RASGRP1: variants seen among roughly 807,000 people sequenced by gnomAD.
RASGRP1 encodes RAS guanyl-releasing protein 1.
A neutral mutation model predicts 95.1 loss-of-function variants in RASGRP1; 37 were observed. The observed-to-expected ratio is 0.39, with a 90% CI of 0.30 to 0.51. RASGRP1 has a LOEUF of 0.51. RASGRP1 is among the 20% of genes least tolerant of loss of function. RASGRP1 has a pLI of 0.80. For missense variants in RASGRP1, 711 were observed against 965.4 expected (o/e 0.74, Z 3.49); for synonymous variants, 325 against 353.4 (o/e 0.92, Z 0.90).
Position 38,501,144 on chromosome 15 carries a change from A to T in RASGRP1, c.1682T>A (p.Phe561Tyr). ...KPTFCDNCAG[F>Y]LWGVIKQGYR... ...TGGAGCACCCTAAGAACAACTTACA[A>T]ATCCAGCACAGTTGTCACAAAAAGT... Residue 561 changes from phenylalanine to tyrosine, a missense_variant and splice_region_variant, in exon 13 of 17, where the codon TTT becomes TAT. Around this residue, in one of 3 missense-constraint regions of RASGRP1, gnomAD observed 8 missense variants for 40.9 expected, o/e 0.20. Coordinates refer to ENST00000310803, the MANE Select transcript of RASGRP1 (RefSeq NM_005739.4). 1 of 1,596,636 alleles carries T rather than the reference A, an allele frequency of 6.3e-7. No homozygotes were observed. The highest frequency in any genetic ancestry group is 8.5e-7 in the Non-Finnish European group (1 of 1,172,560).
At chr15:38,509,458 G>T (rs542609412) in intron 8 of RASGRP1, among the ~76,000 whole-genome samples, 1 of 152,320 alleles carries the variant, frequency 6.6e-6, no homozygotes, top group East Asian at 1.9e-4. Flanking sequence ...CAGGCGTGGT[G>T]GTTCATGCCT....
intron 2 of RASGRP1, among the ~76,000 whole-genome samples, chr15:38,534,842 T>C (rs1357355001): frequency 1.3e-5 from 2 of 152,170 alleles, no homozygotes; most frequent in Non-Finnish European, 2.9e-5. Flanking sequence ...TCTGTTCTAT[T>C]GATATTCACT....
At chr15:38,507,617 G>T in intron 9 of RASGRP1, 109 bp downstream of exon 9, 3 of 1,245,156 alleles carry the variant, frequency 2.4e-6, no homozygotes, top group Non-Finnish European at 3.3e-6. Context: ...AATAGGATCT[G>T]CTTCATAGAG....
intron 2 of RASGRP1, among the ~76,000 whole-genome samples, chr15:38,531,520 T>C (rs536349488): frequency 1.3e-5 from 2 of 152,330 alleles, no homozygotes; most frequent in African/African-American, 4.8e-5. Context: ...ATCTTAAAAA[T>C]TGCCTTTAAG....
chr15:38,549,808 T>C (rs1893255832), intron 2 of RASGRP1, among the ~76,000 whole-genome samples: 1 of 151,992 alleles, frequency 6.6e-6, no homozygotes, highest in African/African-American at 2.4e-5. Flanking sequence ...TCCAGGGCCC[T>C]TGACTACTCT....
chr15:38,499,538 G>A (rs1463085850), intron 14 of RASGRP1, among the ~76,000 whole-genome samples: 2 of 152,200 alleles, frequency 1.3e-5, no homozygotes. Flanking sequence ...ATGCCTATCT[G>A]TGCAACCAGG....
chr15:38,543,891 T>C (rs935440562), intron 2 of RASGRP1, among the ~76,000 whole-genome samples: 1 of 152,152 alleles, frequency 6.6e-6, no homozygotes, highest in Non-Finnish European at 1.5e-5. Context: ...ATCTCTGAGT[T>C]CATTTCTATT....
At chr15:38,559,202 T>C (rs761753924) in intron 2 of RASGRP1, among the ~76,000 whole-genome samples, 3 of 152,246 alleles carry the variant, frequency 2.0e-5, no homozygotes, top group Non-Finnish European at 4.4e-5. Context: ...AATTGCTTGA[T>C]GGCTGCACTA....
At chr15:38,505,049 A>T (rs903037498) in intron 10 of RASGRP1, 2 of 152,220 alleles carry the variant, frequency 1.3e-5, no homozygotes, top group African/African-American at 4.8e-5. Context: ...TTTTCAGTGG[A>T]ATCTTTCATT....
In RASGRP1 at chr15:38,502,941, C is replaced by T. The variant is rs1386786118; in HGVS notation, c.1428+331G>A. 16 of 360,212 alleles carry T rather than the reference C, an allele frequency of 4.4e-5. No individual in the cohort carries two copies. The Admixed American group carries it at 6.5e-4, about 15-fold the overall frequency. 22.3% of individuals were successfully genotyped at this position (360,212 alleles called of 1,614,324 possible). Reference sequence around the variant, plus strand: ...GCACAGAGAATTGAATTAAGCAGTACAAAGGTTTTCAGTTTTAGGTTTACC... The same window carrying T: ...GCACAGAGAATTGAATTAAGCAGTATAAAGGTTTTCAGTTTTAGGTTTACC... On this transcript the variant is annotated intron_variant, in intron 11 of 16. Transcript: ENST00000310803.
intron 2 of RASGRP1, among the ~76,000 whole-genome samples, chr15:38,540,668 C>G (rs74778124): frequency 0.011 from 1,637 of 152,274 alleles, 65 homozygotes; most frequent in Admixed American, 0.072. Context: ...ATTTACAGAT[C>G]TAGGCAGAGC....
intron 15 of RASGRP1, among the ~76,000 whole-genome samples, chr15:38,498,096 G>A (rs759110666): frequency 2.0e-5 from 3 of 152,176 alleles, no homozygotes; most frequent in Non-Finnish European, 4.4e-5. Context: ...GTAGAACTCT[G>A]TCTGTGGCTA....
At chr15:38,528,949 G>T (rs11073334) in intron 2 of RASGRP1, among the ~76,000 whole-genome samples, 116,522 of 152,090 alleles carry the variant, frequency 0.77, 44,872 homozygotes, top group African/African-American at 0.8. Flanking sequence ...CCTCGCATCT[G>T]CCTCATCTCC....
chr15:38,538,038 C>T (rs561022522), intron 2 of RASGRP1, among the ~76,000 whole-genome samples: 17 of 152,210 alleles, frequency 1.1e-4, no homozygotes, highest in Admixed American at 2.0e-4. Context: ...CTGAGGCAGG[C>T]AGATTACCCG....
intron 8 of RASGRP1, 25 bp from the exon 9 acceptor site, chr15:38,508,026 C>T (rs1368661705): frequency 3.2e-6 from 5 of 1,581,320 alleles, no homozygotes; most frequent in Non-Finnish European, 3.4e-6. Flanking sequence ...AGACCAATCA[C>T]AGGTACCCGC....
At chr15:38,564,544 C>T in intron 1 of RASGRP1, 50 bp downstream of exon 1, 1 of 1,325,344 alleles carries the variant, frequency 7.5e-7, no homozygotes. Context: ...GGGCCTCTTT[C>T]CCAAGAAAGG....
In RASGRP1 at chr15:38,549,709, T is replaced by G. The variant is rs149677326; in HGVS notation, c.220+10112A>C. Among the ~76,000 whole-genome samples, 771 of 143,968 alleles carry G rather than the reference T, an allele frequency of 5.4e-3. 2 individuals carry two copies. The highest frequency in any genetic ancestry group is 0.012 in the Admixed American group (176 of 14,280). 94.4% of individuals were successfully genotyped at this position (143,968 alleles called of 152,430 possible). A position where few individuals can be genotyped will look rare whatever the true frequency, so the allele number is the denominator to read the frequency against. Reference sequence around the variant, plus strand: ...CTAGTCTCTACTCCCTTTGTCCATTTCAATGAATCACTGGTGTCCTTCTAA... The same window carrying G: ...CTAGTCTCTACTCCCTTTGTCCATTGCAATGAATCACTGGTGTCCTTCTAA... On this transcript the variant is annotated intron_variant, in intron 2 of 16. Transcript: ENST00000310803.
chr15:38,494,031 T>C (rs77212277), intron 16 of RASGRP1, among the ~76,000 whole-genome samples: 10,097 of 152,270 alleles, frequency 0.066, 518 homozygotes, highest in East Asian at 0.17. Context: ...AACCAGTAGA[T>C]ACTGTGGTTT....
chr15:38,560,051 C>T (rs188423505), intron 1 of RASGRP1, 46 bp from the exon 2 acceptor site: 66 of 1,485,402 alleles, frequency 4.4e-5, no homozygotes, highest in Non-Finnish European at 5.1e-5. Context: ...GGCAGCTCCA[C>T]GCTCTGAAGG....
Sources: gnomAD v4.1 joint callset for allele counts (sites outside exome capture counted in the v4.1 genomes callset) on GRCh38, gnomAD v4.1.1 for gene constraint, gnomAD v4.1.1 regional missense constraint, MANE v1.5 for transcripts, NCBI Gene and HGNC (gene_info 2026-07-23, HGNC 2026-07-21) for gene names.